PHF7: variants seen among roughly 807,000 people sequenced by gnomAD.
PHF7 encodes E3 ubiquitin-protein ligase PHF7.
In PHF7, 24 loss-of-function variants were observed where a neutral mutation model predicts 47.5. That is an observed-to-expected ratio of 0.51 (90% CI 0.37 to 0.71). The LOEUF is 0.71. Among genes scored for constraint, PHF7 ranks in the 30% least tolerant of loss-of-function variants. The pLI, the probability that PHF7 is intolerant of heterozygous loss-of-function variation, is 0.00. For missense variants in PHF7, 361 were observed against 456.8 expected, an observed-to-expected ratio of 0.79 and a Z score of 1.91; for synonymous variants, 156 against 153.8, an observed-to-expected ratio of 1.01 and a Z score of -0.11.
chr3:52,414,123 A>G, intron 3 of PHF7, 75 bp downstream of exon 3: 2 of 955,134 alleles, frequency 2.1e-6, no homozygotes, highest in East Asian at 2.4e-5. Flanking sequence ...GTGGGGCAGT[A>G]TACTTGCTTC....
chr3:52,421,182 A>G (rs1559601985), intron 7 of PHF7, 120 bp downstream of exon 7: 2 of 878,910 alleles, frequency 2.3e-6, no homozygotes, highest in Non-Finnish European at 3.5e-6. Context: ...GGAGGCCTGT[A>G]TTGAGGGCTG....
rs1303542215 is a variant in PHF7 at position 52,421,671 on chromosome 3, G to A, written c.597G>A (p.Lys199=). The A allele has an allele frequency of 6.2e-7, 1 of 1,605,714 alleles. No homozygotes were observed. ...CIQKYAHTSA[K]HFFKCPQCNN... ...AGAAATATGCCCACACATCAGCAAA[G>A]CATTTCTTCAAATGTCCACAGTGTA... The change falls in exon 8 of 11, where the codon AAG becomes AAA. Residue 199 remains lysine, a synonymous_variant. Transcript: ENST00000327906.
chr3:52,419,712 T>A, intron 4 of PHF7, 121 bp from the exon 5 acceptor site: 2 of 718,352 alleles, frequency 2.8e-6, no homozygotes, highest in Non-Finnish European at 5.1e-6. Context: ...ATTACAGGCA[T>A]GAGCCACCAC....
At chr3:52,415,012 A>G (rs963579337) in intron 4 of PHF7, among the ~76,000 whole-genome samples, 2 of 152,086 alleles carry the variant, frequency 1.3e-5, no homozygotes, top group African/African-American at 4.8e-5. Context: ...AGAAAAATAT[A>G]TGTGTCTGGT....
At chr3:52,418,871 G>A (rs1705699047) in intron 4 of PHF7, among the ~76,000 whole-genome samples, 2 of 150,370 alleles carry the variant, frequency 1.3e-5, no homozygotes, top group Non-Finnish European at 3.0e-5. Context: ...GCAGTGGCCT[G>A]ATCTTGGCTC....
chr3:52,415,077 A>G (rs984571560), intron 4 of PHF7, among the ~76,000 whole-genome samples: 29 of 152,140 alleles, frequency 1.9e-4, no homozygotes, highest in Admixed American at 1.8e-3. Flanking sequence ...TCCCTAAACA[A>G]TGTTCCCAAT....
In PHF7 at chr3:52,422,274, T is replaced by C; in HGVS notation, c.733T>C (p.Tyr245His). The change falls in exon 9 of 11, where the codon TAT (tyrosine) becomes CAT (histidine). Residue 245 changes from tyrosine to histidine, a missense_variant. Coordinates refer to ENST00000327906, the MANE Select transcript of PHF7 (RefSeq NM_016483.7). ...PGAFSDLYQRYQHCDAPICLY... is the reference protein window; with the variant it reads ...PGAFSDLYQRHQHCDAPICLY... Reference sequence around the variant, plus strand: ...GGCTTTCTCAGACTTATATCAGCGCTATCAGCACTGTGATGCCCCCATCTG... The same window carrying C: ...GGCTTTCTCAGACTTATATCAGCGCCATCAGCACTGTGATGCCCCCATCTG... The C allele has an allele frequency of 6.2e-7, 1 of 1,614,074 alleles. No homozygotes were observed. The highest frequency in any genetic ancestry group is 8.5e-7 in the Non-Finnish European group (1 of 1,179,894).
At chr3:52,411,371 G>A (rs1214434404) in intron 1 of PHF7, 124 bp downstream of exon 1, 1 of 152,366 alleles carries the variant, frequency 6.6e-6, no homozygotes, top group Non-Finnish European at 1.5e-5. Flanking sequence ...TCCTCTTCCA[G>A]CCTGTCCAGT....
At chr3:52,413,142 C>A (rs1278493906) in intron 2 of PHF7, among the ~76,000 whole-genome samples, 1 of 152,196 alleles carries the variant, frequency 6.6e-6, no homozygotes, top group Admixed American at 6.5e-5. Context: ...CTAGCTCTGC[C>A]ACTTGCCAAT....
rs557818717 is a variant in PHF7, at chr3:52,420,831, C to T, written c.414-72C>T. The stretch of plus-strand genomic sequence containing the variant: ...GGCACCAGCCTGGGTGGCTGGCTGC[C>T]CCTCCTAGAGCGGGCCATTGGGAAA... On this transcript the variant is annotated intron_variant, in intron 6 of 10. Coordinates refer to ENST00000327906, the MANE Select transcript of PHF7 (RefSeq NM_016483.7). 117 of 1,429,424 alleles carry T rather than the reference C, an allele frequency of 8.2e-5. No homozygotes were observed. In the African/African-American group the frequency reaches 1.3e-3, roughly 16 times the overall value. 88.5% of individuals were successfully genotyped at this position (1,429,424 alleles called of 1,614,324 possible). A position where few individuals can be genotyped will look rare whatever the true frequency, so the allele number is the denominator to read the frequency against.
At chr3:52,412,220 A>G (rs1036533395) in intron 1 of PHF7, among the ~76,000 whole-genome samples, 2 of 151,568 alleles carry the variant, frequency 1.3e-5, no homozygotes, top group Non-Finnish European at 2.9e-5. Flanking sequence ...AAAAAGTGAT[A>G]GAGCCTAGGG....
In PHF7 at chr3:52,423,619, T is replaced by C. The variant is rs906473849; in HGVS notation, c.*302T>C. The C allele has an allele frequency of 5.4e-5, 15 of 277,946 alleles. No homozygotes were observed. Among genetic ancestry groups the C allele is most frequent in the Non-Finnish European group, 8.2e-5 (12 of 146,384 alleles). 17.2% of individuals were successfully genotyped at this position (277,946 alleles called of 1,614,324 possible). On this transcript the variant is annotated 3_prime_UTR_variant, in exon 11 of 11. Transcript: ENST00000327906. ...CTTACTTCACCCATGTTTGTTGTTA[T>C]GCAAATAAAGGTTTTCTCTCCATTG...
intron 6 of PHF7, 26 bp from the exon 7 acceptor site, chr3:52,420,877 A>G: frequency 6.3e-7 from 1 of 1,589,116 alleles, no homozygotes; most frequent in Non-Finnish European, 8.6e-7. Flanking sequence ...GACAAACCAG[A>G]AACCAAGTCT....
rs1578233741 is a variant in PHF7, at chr3:52,410,797, T to C, written c.-520T>C. On this transcript the variant is annotated 5_prime_UTR_variant, in exon 1 of 11. Coordinates refer to ENST00000327906, the MANE Select transcript of PHF7 (RefSeq NM_016483.7). ...GGCTCTGGCCGGGAGCGGCGGCCGG[T>C]GAGCTACCGCGAGGAGGAGCGGCGG... The C allele has an allele frequency of 6.6e-6, 1 of 152,408 alleles. No homozygotes were observed. Among genetic ancestry groups the C allele is most frequent in the South Asian group, 2.0e-4 (1 of 4,906 alleles). The allele number at this position is 152,408 out of a possible 1,614,324, so 9.4% of individuals were successfully genotyped here.
At chr3:52,419,369 T>C (rs979338182) in intron 4 of PHF7, among the ~76,000 whole-genome samples, 33 of 152,134 alleles carry the variant, frequency 2.2e-4, no homozygotes, top group Non-Finnish European at 2.9e-5. Flanking sequence ...GTTGGTGCCA[T>C]GTAAGCCTTC....
chr3:52,412,240 C>G lies in PHF7; in HGVS notation c.-69-571C>G, dbSNP rs1705471205. ...GTGATAGAGCCTAGGGGGTGTTTGTCAGTGTTACCTCTTGTCTCTCACTAG... is the reference window on the plus strand; with the variant it reads ...GTGATAGAGCCTAGGGGGTGTTTGTGAGTGTTACCTCTTGTCTCTCACTAG... On this transcript the variant is annotated intron_variant, in intron 1 of 10. Coordinates refer to ENST00000327906, the MANE Select transcript of PHF7 (RefSeq NM_016483.7). Among the ~76,000 whole-genome samples, 4 of 151,824 alleles carry G rather than the reference C, an allele frequency of 2.6e-5. No individual in the cohort carries two copies. In the South Asian group the frequency reaches 6.2e-4, roughly 24 times the overall value.
chr3:52,412,594 C>G (rs1705484288), intron 1 of PHF7, among the ~76,000 whole-genome samples: 1 of 152,190 alleles, frequency 6.6e-6, no homozygotes, highest in Admixed American at 6.5e-5. Flanking sequence ...GATACTTAAA[C>G]CTCTCTGTGC....
intron 4 of PHF7, among the ~76,000 whole-genome samples, chr3:52,416,587 A>C (rs916281101): frequency 2.6e-4 from 39 of 151,114 alleles, no homozygotes; most frequent in Admixed American, 2.4e-3. Context: ...GTAATCCCAG[A>C]ACTTTGGGAG....
chr3:52,411,706 C>T (rs567707202), intron 1 of PHF7, among the ~76,000 whole-genome samples: 2 of 152,314 alleles, frequency 1.3e-5, no homozygotes, highest in Admixed American at 1.3e-4. Flanking sequence ...CTTTCGTTCC[C>T]GTTCACTTTC....
Sources: allele counts gnomAD v4.1 joint callset (sites outside exome capture counted in the v4.1 genomes callset), GRCh38; gene constraint gnomAD v4.1.1; transcripts MANE v1.5; gene names NCBI Gene and HGNC (gene_info 2026-07-23, HGNC 2026-07-21).